PLD5: variants seen among roughly 807,000 people sequenced by gnomAD.
PLD5 encodes phospholipase D family member 5.
PLD5 carries 36 observed loss-of-function variants against 61.1 expected under a neutral mutation model. The ratio of observed to expected loss-of-function variants is 0.59; its 90% CI spans 0.45 to 0.78. PLD5 has a LOEUF of 0.78. PLD5 is among the 30% of genes least tolerant of loss of function. The probability of loss-of-function intolerance (pLI) is 0.00; values close to 1 mark genes in which losing one functional copy is unlikely to be tolerated. For synonymous variants in PLD5, 243 were observed against 242.8 expected, an observed-to-expected ratio of 1.00 and a Z score of -0.01; for missense variants, 515 against 644.4, an observed-to-expected ratio of 0.80 and a Z score of 2.17.
At chr1:242,136,989 G>A (rs2800769) in intron 5 of PLD5, among the ~76,000 whole-genome samples, 128,412 of 152,170 alleles carry the variant, frequency 0.84, 54,655 homozygotes, top group African/African-American at 0.96. Flanking sequence ...ACTTATGCAA[G>A]TAGTTTACTA....
chr1:242,425,611 A>G (rs1021927070), intron 1 of PLD5, among the ~76,000 whole-genome samples: 1 of 151,144 alleles, frequency 6.6e-6, no homozygotes, highest in South Asian at 2.1e-4. Context: ...TCTTTCTTCA[A>G]TAATAAATTA....
intron 2 of PLD5, among the ~76,000 whole-genome samples, chr1:242,297,629 T>C (rs12129082): frequency 0.2 from 391 of 1,984 alleles, no homozygotes; most frequent in Middle Eastern, 0.5. Context: ...TTCTTTTTTT[T>C]TTTTTTTTTT....
At chr1:242,413,195 A>T (rs550579113) in intron 1 of PLD5, among the ~76,000 whole-genome samples, 1 of 152,262 alleles carries the variant, frequency 6.6e-6, no homozygotes, top group Non-Finnish European at 1.5e-5. Flanking sequence ...CACTCTGACC[A>T]GCCTTTTCCT....
chr1:242,314,828 T>C (rs1676909293), intron 2 of PLD5, among the ~76,000 whole-genome samples: 1 of 152,134 alleles, frequency 6.6e-6, no homozygotes, highest in Non-Finnish European at 1.5e-5. Context: ...AGCTTTTTTT[T>C]TTTCTAAGTT....
At chr1:242,253,062 G>C (rs1210050859) in intron 4 of PLD5, among the ~76,000 whole-genome samples, 1 of 149,250 alleles carries the variant, frequency 6.7e-6, no homozygotes, top group Non-Finnish European at 1.5e-5. Flanking sequence ...TGATCCGCTT[G>C]CCTTGGCCTC....
intron 4 of PLD5, among the ~76,000 whole-genome samples, chr1:242,227,539 AT>A (rs768961472): frequency 2.5e-4 from 38 of 151,508 alleles, no homozygotes; most frequent in Non-Finnish European, 4.0e-4. Flanking sequence ...TAATTTTTAT[AT>A]TTTAGTAGAG....
At chr1:242,118,874 C>T (rs1662151552) in intron 6 of PLD5, among the ~76,000 whole-genome samples, 1 of 152,092 alleles carries the variant, frequency 6.6e-6, no homozygotes, top group African/African-American at 2.4e-5. Flanking sequence ...AAAATGTCTG[C>T]CCAGAATAGA....
At chr1:242,521,750 A>G (rs1224430911) in intron 1 of PLD5, among the ~76,000 whole-genome samples, 2 of 117,484 alleles carry the variant, frequency 1.7e-5, no homozygotes, top group Non-Finnish European at 3.9e-5. Flanking sequence ...AATCCCTGCA[A>G]CATATGAATC....
intron 5 of PLD5, among the ~76,000 whole-genome samples, chr1:242,180,405 A>T (rs1286957155): frequency 1.3e-5 from 2 of 152,160 alleles, no homozygotes; most frequent in Non-Finnish European, 1.5e-5. Context: ...ATAATAGAAT[A>T]TCCTAGTAGG....
intron 6 of PLD5, among the ~76,000 whole-genome samples, chr1:242,115,173 G>C (rs908607546): frequency 6.6e-6 from 1 of 151,908 alleles, no homozygotes; most frequent in African/African-American, 2.4e-5. Flanking sequence ...GCAAGATGCT[G>C]TCTGAAAAGA....
At chr1:242,163,907 T>TA (rs1053587127) in intron 5 of PLD5, among the ~76,000 whole-genome samples, 34 of 137,820 alleles carry the variant, frequency 2.5e-4, no homozygotes, top group African/African-American at 9.3e-4. Context: ...GAGAGAGTTA[T>TA]AAAATGTGTG....
chr1:242,365,080 T>G (rs1279792064), intron 1 of PLD5: 6 of 152,194 alleles, frequency 3.9e-5, no homozygotes, highest in Non-Finnish European at 8.8e-5. Context: ...AAGGGGATGT[T>G]ATGAACAAAT....
intron 7 of PLD5, among the ~76,000 whole-genome samples, chr1:242,111,094 T>G (rs992081407): frequency 6.6e-6 from 1 of 151,892 alleles, no homozygotes; most frequent in Non-Finnish European, 1.5e-5. Context: ...TTCACTCTTG[T>G]TGCCCAGGCT....
chr1:242,164,335 C>A (rs993658593), intron 5 of PLD5, among the ~76,000 whole-genome samples: 7 of 151,822 alleles, frequency 4.6e-5, no homozygotes, highest in African/African-American at 1.7e-4. Flanking sequence ...AGTATCTATG[C>A]TTTATCCAAA....
At chr1:242,528,318 C>A (rs571490481), upstream of PLD5, among the ~76,000 whole-genome samples, 1 of 152,174 alleles carries the variant, frequency 6.6e-6, no homozygotes, top group African/African-American at 2.4e-5. Context: ...GTTCTTAGAA[C>A]TTTCAGGCCC....
At chr1:242,414,403 T>C (rs1664714823) in intron 1 of PLD5, among the ~76,000 whole-genome samples, 1 of 152,172 alleles carries the variant, frequency 6.6e-6, no homozygotes. Context: ...CCAGAGGAAA[T>C]GGCTCTATGG....
chr1:242,395,644 T>G (rs2580222), intron 1 of PLD5, among the ~76,000 whole-genome samples: 67,871 of 151,950 alleles, frequency 0.45, 15,534 homozygotes, highest in African/African-American at 0.55. Flanking sequence ...ACAGATGAGA[T>G]AGATGACCAC....
intron 2 of PLD5, among the ~76,000 whole-genome samples, chr1:242,331,249 G>T (rs749020659): frequency 6.6e-6 from 1 of 152,162 alleles, no homozygotes; most frequent in African/African-American, 2.4e-5. Context: ...TTAAGACATG[G>T]TGTCTCAAGT....
intron 4 of PLD5, among the ~76,000 whole-genome samples, chr1:242,263,617 TG>T (rs1673493571): frequency 1.3e-5 from 2 of 152,090 alleles, no homozygotes; most frequent in Non-Finnish European, 2.9e-5. Context: ...TCCTGTTCAT[TG>T]CTTTACTCCT....
Sources: allele counts gnomAD v4.1 joint callset (sites outside exome capture counted in the v4.1 genomes callset), GRCh38; gene constraint gnomAD v4.1.1; transcripts MANE v1.5; gene names NCBI Gene and HGNC (gene_info 2026-07-23, HGNC 2026-07-21).